Variants in SRSF1 observed in about 807,000 individuals in gnomAD.
SRSF1 encodes the protein serine/arginine-rich splicing factor 1.
A neutral mutation model predicts 25.9 loss-of-function variants in SRSF1; 1 was observed. That is an observed-to-expected ratio of 0.04 (90% CI 0.01 to 0.18). The LOEUF (loss-of-function observed/expected upper bound fraction) is 0.18, where lower values mean the gene tolerates loss of function less well. Ranked by LOEUF, SRSF1 falls within the 10% of genes least tolerant of loss-of-function variation. The pLI, the probability that SRSF1 is intolerant of heterozygous loss-of-function variation, is 1.00. For synonymous variants in SRSF1, 132 were observed against 126.2 expected (o/e 1.05, Z -0.31); for missense variants, 65 against 350.5 (o/e 0.19, Z 6.50).
Position 58,007,173 on chromosome 17 carries a change from T to C in SRSF1, c.-36A>G. 1 of 1,610,556 alleles carries C rather than the reference T, an allele frequency of 6.2e-7. No homozygotes were observed. The highest frequency in any genetic ancestry group is 8.5e-7 in the Non-Finnish European group (1 of 1,178,384). Reference sequence around the variant, plus strand: ...AAAAGCGCGGACTCGAGAACAGGCCTTCCCACCAAGCCTAGCGCACGGCAG... The same window carrying C: ...AAAAGCGCGGACTCGAGAACAGGCCCTCCCACCAAGCCTAGCGCACGGCAG... On this transcript the variant is annotated 5_prime_UTR_variant, in exon 1 of 4. Transcript: ENST00000258962.
chr17:58,004,249 T>C lies in SRSF1; in HGVS notation c.*1157A>G, dbSNP rs548753713. 5.2e-5 allele frequency: 8 copies of C among 152,780 alleles called. No homozygotes were observed. In the South Asian group the frequency reaches 1.7e-3, roughly 32 times the overall value. The allele number at this position is 152,780 out of a possible 1,614,324, so 9.5% of individuals were successfully genotyped here. ...AACTGATAATGCCAACACTTGTTAC[T>C]GTACAGCGTATTACAGGTTTCGTGG... On this transcript the variant is annotated 3_prime_UTR_variant, in exon 4 of 4. Coordinates refer to ENST00000258962, the MANE Select transcript of SRSF1 (RefSeq NM_006924.5).
At chr17:57,991,667 A>G in the SRSF1 span, 2 of 150,694 alleles carry the variant, frequency 1.3e-5, no homozygotes, top group African/African-American at 5.0e-5. Flanking sequence ...AAATACTCCA[A>G]ACTCCTCAGG....
chr17:57,999,195 T>C (rs2143452973), downstream of SRSF1, among the ~76,000 whole-genome samples: 2 of 152,292 alleles, frequency 1.3e-5, no homozygotes, highest in Middle Eastern at 6.8e-3. Flanking sequence ...AAGAACCTCT[T>C]AGTAATACTG....
downstream of SRSF1, among the ~76,000 whole-genome samples, chr17:57,996,781 A>G (rs1363241606): frequency 6.6e-6 from 1 of 152,148 alleles, no homozygotes; most frequent in Non-Finnish European, 1.5e-5. Context: ...CTTGGTTTTG[A>G]GAGAATTGTT....
At chr17:57,998,593 A>G (rs965561011), downstream of SRSF1, among the ~76,000 whole-genome samples, 18 of 152,172 alleles carry the variant, frequency 1.2e-4, no homozygotes, top group Admixed American at 3.9e-4. Context: ...TATCAAAGGG[A>G]CACCAGAGCT....
At chr17:57,990,567 A>G in the SRSF1 span, 1 of 152,192 alleles carries the variant, frequency 6.6e-6, no homozygotes, top group Admixed American at 6.5e-5. Flanking sequence ...AGAAGGGGCT[A>G]TTTCTACTTT....
chr17:57,992,355 A>C, the SRSF1 span: 4 of 152,340 alleles, frequency 2.6e-5, no homozygotes, highest in Non-Finnish European at 5.9e-5. Context: ...CAGATGCCCC[A>C]GGACAGGGTA....
downstream of SRSF1, among the ~76,000 whole-genome samples, chr17:57,996,312 G>A (rs941266312): frequency 4.6e-5 from 7 of 151,788 alleles, no homozygotes; most frequent in African/African-American, 1.7e-4. Flanking sequence ...GTGAAACCCT[G>A]TCTCTACTAA....
chr17:57,991,639 C>CA, the SRSF1 span: 27 of 126,248 alleles, frequency 2.1e-4, no homozygotes, highest in African/African-American at 8.2e-4. Flanking sequence ...CAAAGTGACA[C>CA]CCCCCCCATC....
At chr17:57,999,047 TA>T (rs1424461109), downstream of SRSF1, among the ~76,000 whole-genome samples, 1 of 152,202 alleles carries the variant, frequency 6.6e-6, no homozygotes, top group Non-Finnish European at 1.5e-5. Context: ...AAATTTTCAG[TA>T]ATTTTCAGCT....
rs759440953 is a variant in SRSF1 at position 58,006,927 on chromosome 17, G to A, written c.194+17C>T. 1.1e-5 allele frequency: 18 copies of A among 1,613,544 alleles called. No homozygotes were observed. Among genetic ancestry groups the A allele is most frequent in the East Asian group, 1.1e-4 (5 of 44,900 alleles). ...CGGACCTATTTCCTCAAGGCTGCAAGCCCCATGCCGCCTCACCGCGGGTCC... is the reference window on the plus strand; with the variant it reads ...CGGACCTATTTCCTCAAGGCTGCAAACCCCATGCCGCCTCACCGCGGGTCC... On this transcript the variant is annotated intron_variant, in intron 1 of 3. Coordinates refer to ENST00000258962, the MANE Select transcript of SRSF1 (RefSeq NM_006924.5).
Position 58,007,009 on chromosome 17 carries a change from G to A in SRSF1, c.129C>T (p.Arg43=). The A allele has an allele frequency of 1.2e-6, 2 of 1,614,126 alleles. No individual in the cohort carries two copies. The highest frequency in any genetic ancestry group is 1.7e-6 in the Non-Finnish European group (2 of 1,180,040). The change falls in exon 1 of 4, where the codon CGC becomes CGT. Residue 43 remains arginine, a synonymous_variant. Coordinates refer to ENST00000258962, the MANE Select transcript of SRSF1 (RefSeq NM_006924.5). ...CGCGGCGATTCTTGAGGTCGATGTCGCGGATAGCGCCGTATTTGTAGAACA... is the reference window on the plus strand; with the variant it reads ...CGCGGCGATTCTTGAGGTCGATGTCACGGATAGCGCCGTATTTGTAGAACA... ...EDVFYKYGAI[R]DIDLKNRRGG... is the part of the protein sequence containing the mutation.
In SRSF1 at chr17:58,006,329, A is replaced by G; in HGVS notation, c.379+14T>C. On this transcript the variant is annotated intron_variant, in intron 2 of 3. Transcript: ENST00000258962. ...TCGTCCCTTCACATCAATCCACACA[A>G]CCAGTACACTCACCAGAGACAACCA... 1 of 1,603,228 alleles carries G rather than the reference A, an allele frequency of 6.2e-7. No homozygotes were observed. The highest frequency in any genetic ancestry group is 2.2e-5 in the East Asian group (1 of 44,644).
downstream of SRSF1, among the ~76,000 whole-genome samples, chr17:57,999,406 T>C (rs1037117764): frequency 1.3e-5 from 2 of 152,230 alleles, no homozygotes; most frequent in South Asian, 4.1e-4. Context: ...CAAGCAGACT[T>C]ATGTCTTCAG....
At chr17:58,000,091 A>G (rs1441734421), downstream of SRSF1, among the ~76,000 whole-genome samples, 2 of 151,940 alleles carry the variant, frequency 1.3e-5, no homozygotes, top group Non-Finnish European at 2.9e-5. Flanking sequence ...ATTAACTTCT[A>G]TATGACAGAG....
the SRSF1 span, chr17:57,991,421 C>T: frequency 1.3e-5 from 2 of 152,158 alleles, no homozygotes; most frequent in African/African-American, 4.8e-5. Flanking sequence ...AAATCCAAAA[C>T]TTTCAGTAGG....
At chr17:58,006,723 T>G in intron 1 of SRSF1, 196 bp from the exon 2 acceptor site, 1 of 891,856 alleles carries the variant, frequency 1.1e-6, no homozygotes, top group Non-Finnish European at 1.7e-6. Context: ...GCGCCTCAGT[T>G]TCCCGCTCCA....
the SRSF1 span, chr17:57,994,370 G>A: frequency 3.3e-5 from 5 of 152,210 alleles, no homozygotes; most frequent in Non-Finnish European, 2.9e-5. Context: ...TACAATGTGT[G>A]ATTAGTCTTC....
chr17:58,003,877 C>T lies in SRSF1; in HGVS notation c.*1529G>A, dbSNP rs1185868225. 6.6e-6 allele frequency: 1 copy of T among 152,622 alleles called. No homozygotes were observed. The highest frequency in any genetic ancestry group is 1.5e-5 in the Non-Finnish European group (1 of 68,028). 9.5% of individuals were successfully genotyped at this position (152,622 alleles called of 1,614,324 possible). A position where few individuals can be genotyped will look rare whatever the true frequency, so the allele number is the denominator to read the frequency against. On this transcript the variant is annotated 3_prime_UTR_variant, in exon 4 of 4. Coordinates refer to ENST00000258962, the MANE Select transcript of SRSF1 (RefSeq NM_006924.5). The stretch of plus-strand genomic sequence containing the variant: ...GGGGCAGGAATCCACTCCTATGTTC[C>T]TGGTAATCTGATCCCGCTCCATGAA...
Sources: gnomAD v4.1 joint callset for allele counts (sites outside exome capture counted in the v4.1 genomes callset) on GRCh38, gnomAD v4.1.1 for gene constraint, MANE v1.5 for transcripts, NCBI Gene and HGNC (gene_info 2026-07-23, HGNC 2026-07-21) for gene names.